Variants in ADAM22 observed in about 807,000 individuals in gnomAD.
ADAM22 encodes ADAM metallopeptidase domain 22.
In ADAM22, 65 loss-of-function variants were observed where a neutral mutation model predicts 144.6. The observed-to-expected ratio is 0.45, with a 90% CI of 0.37 to 0.55. ADAM22 has a LOEUF of 0.55. Ranked by LOEUF, ADAM22 falls within the 20% of genes least tolerant of loss-of-function variation. The probability of loss-of-function intolerance (pLI) is 0.00; values close to 1 mark genes in which losing one functional copy is unlikely to be tolerated. For synonymous variants in ADAM22, 391 were observed against 412.6 expected, an observed-to-expected ratio of 0.95 and a Z score of 0.63; for missense variants, 974 against 1,184.9, an observed-to-expected ratio of 0.82 and a Z score of 2.61.
intron 2 of ADAM22, among the ~76,000 whole-genome samples, chr7:87,974,303 C>CAAAAAAAAAAAAA (rs11351127): frequency 8.9e-6 from 1 of 112,354 alleles, no homozygotes; most frequent in Non-Finnish European, 1.9e-5. Context: ...GACTCTGTCT[C>CAAAAAAAAAAAAA]AAAAAAAAAA....
At chr7:87,966,741 T>TTG (rs1348357517) in intron 2 of ADAM22, among the ~76,000 whole-genome samples, 7 of 138,918 alleles carry the variant, frequency 5.0e-5, no homozygotes, top group African/African-American at 1.9e-4. Context: ...TTTTTTTTTT[T>TTG]TTTTTTTTTT....
chr7:88,150,051 T>C lies in ADAM22; in HGVS notation c.1567-930T>C, dbSNP rs139168667. Among the ~76,000 whole-genome samples, 5 of 152,322 alleles carry C rather than the reference T, an allele frequency of 3.3e-5. No homozygotes were observed. The East Asian group carries it at 9.7e-4, about 29-fold the overall frequency. Reference sequence around the variant, plus strand: ...GTGAAGATGTGAATGTGAAGTTTCTTGCTGGCGTTACCCCCTCTGGGACAT... The same window carrying C: ...GTGAAGATGTGAATGTGAAGTTTCTCGCTGGCGTTACCCCCTCTGGGACAT... On this transcript the variant is annotated intron_variant, in intron 18 of 31. Coordinates refer to ENST00000413139, the MANE Select transcript of ADAM22 (RefSeq NM_001324418.2).
chr7:88,011,229 G>A (rs1183568702), intron 3 of ADAM22, among the ~76,000 whole-genome samples: 1 of 152,130 alleles, frequency 6.6e-6, no homozygotes, highest in Non-Finnish European at 1.5e-5. Context: ...AACTATTATT[G>A]ATTTAAACTC....
At chr7:88,153,417 A>G in intron 21 of ADAM22, 91 bp downstream of exon 21, 1 of 1,030,294 alleles carries the variant, frequency 9.7e-7, no homozygotes, top group Non-Finnish European at 1.4e-6. Context: ...TTTCTGCATC[A>G]CACAAAGTGT....
intron 26 of ADAM22, among the ~76,000 whole-genome samples, chr7:88,173,950 T>C (rs900229831): frequency 2.0e-5 from 3 of 152,030 alleles, no homozygotes; most frequent in Non-Finnish European, 4.4e-5. Flanking sequence ...TTGACATGAG[T>C]GAGGCTCACA....
At chr7:88,135,865 A>G (rs960278162) in intron 13 of ADAM22, 115 bp from the exon 14 acceptor site, 9 of 791,558 alleles carry the variant, frequency 1.1e-5, no homozygotes, top group African/African-American at 1.8e-5. Flanking sequence ...AGAAGTTACT[A>G]CTTTTTAAAA....
intron 2 of ADAM22, among the ~76,000 whole-genome samples, chr7:87,935,792 G>T (rs1841110519): frequency 6.6e-6 from 1 of 152,180 alleles, no homozygotes; most frequent in Admixed American, 6.5e-5. Flanking sequence ...TTAGGGCTGT[G>T]CTGTTTGTTG....
At position 88,082,609 on chromosome 7, in the gene ADAM22, A is replaced by G. The variant is rs547095891; in HGVS notation, c.390+6917A>G. ...CTCATCTGACAAAGGGCTAATATCCAGAATCTACAATGTACTCAAACAAAT... is the reference window on the plus strand; with the variant it reads ...CTCATCTGACAAAGGGCTAATATCCGGAATCTACAATGTACTCAAACAAAT... On this transcript the variant is annotated intron_variant, in intron 4 of 31. Transcript: ENST00000413139. 4.1e-3 allele frequency among the ~76,000 whole-genome samples: 632 copies of G among 152,364 alleles called. 4 individuals are homozygous for G. The highest frequency in any genetic ancestry group is 6.9e-3 in the Admixed American group (106 of 15,298).
At chr7:88,097,337 A>T (rs1019916032) in intron 4 of ADAM22, among the ~76,000 whole-genome samples, 5 of 151,358 alleles carry the variant, frequency 3.3e-5, no homozygotes, top group African/African-American at 1.2e-4. Flanking sequence ...TTTTTAGTAG[A>T]GACAGGGTTT....
intron 6 of ADAM22, among the ~76,000 whole-genome samples, chr7:88,116,189 A>G (rs999795543): frequency 6.6e-5 from 10 of 152,136 alleles, no homozygotes; most frequent in African/African-American, 2.2e-4. Flanking sequence ...TAGTAATTGG[A>G]TGAAGCCAGA....
chr7:88,129,647 A>G (rs2129497074), intron 9 of ADAM22, among the ~76,000 whole-genome samples: 1 of 152,198 alleles, frequency 6.6e-6, no homozygotes, highest in Non-Finnish European at 1.5e-5. Context: ...ACAAATTCAG[A>G]TATCCATAGA....
chr7:88,008,566 A>C lies in ADAM22; in HGVS notation c.323+30154A>C, dbSNP rs200034778. Among the ~76,000 whole-genome samples the C allele has an allele frequency of 6.1e-3, 932 of 152,140 alleles. 11 individuals carry two copies. Among genetic ancestry groups the C allele is most frequent in the East Asian group, 0.046 (238 of 5,184 alleles). ...ACATATACATCATGGAATACTATGC[A>C]GCCATAAAAAATGATGAGTTCATGT... On this transcript the variant is annotated intron_variant, in intron 3 of 31. Coordinates refer to ENST00000413139, the MANE Select transcript of ADAM22 (RefSeq NM_001324418.2).
rs1253462302 is a variant in ADAM22 at position 88,130,069 on chromosome 7, T to A, written c.754-319T>A. Among the ~76,000 whole-genome samples, 3 of 152,122 alleles carry A rather than the reference T, an allele frequency of 2.0e-5. No individual in the cohort carries two copies. In the East Asian group the frequency reaches 5.8e-4, roughly 29 times the overall value. ...TTGCAATTCATAGACAACTTTCATA[T>A]GTTTTATCATTTTGAATAACAATCC... On this transcript the variant is annotated intron_variant, in intron 9 of 31. Coordinates refer to ENST00000413139, the MANE Select transcript of ADAM22 (RefSeq NM_001324418.2).
chr7:88,132,711 C>A (rs192633395), intron 11 of ADAM22, 156 bp from the exon 12 acceptor site: 6 of 550,308 alleles, frequency 1.1e-5, no homozygotes, highest in African/African-American at 9.6e-5. Context: ...TCTTTGGTTA[C>A]ATGTATAAAC....
chr7:87,949,542 T>G (rs568494953), intron 2 of ADAM22, among the ~76,000 whole-genome samples: 13 of 152,354 alleles, frequency 8.5e-5, no homozygotes, highest in African/African-American at 2.9e-4. Context: ...TGCATTTTCT[T>G]TAAGACAATG....
intron 4 of ADAM22, among the ~76,000 whole-genome samples, chr7:88,098,771 G>T (rs772353397): frequency 6.6e-6 from 1 of 151,744 alleles, no homozygotes; most frequent in Non-Finnish European, 1.5e-5. Flanking sequence ...CCTCTCCGGT[G>T]GTAATCATGT....
Position 87,960,075 on chromosome 7 carries a change from A to G in ADAM22, c.247-18261A>G, listed in dbSNP as rs568548621. Among the ~76,000 whole-genome samples the G allele has an allele frequency of 6.6e-5, 10 of 152,320 alleles. No individual in the cohort carries two copies. The East Asian group carries it at 1.7e-3, about 26-fold the overall frequency. On this transcript the variant is annotated intron_variant, in intron 2 of 31. Transcript: ENST00000413139. The stretch of plus-strand genomic sequence containing the variant: ...AGCATTAGATGTAGCCTTCAGATCA[A>G]TGGAAAGAACTGAAGAACTTCCATG...
intron 25 of ADAM22, among the ~76,000 whole-genome samples, chr7:88,170,657 G>A (rs1844102384): frequency 6.6e-6 from 1 of 151,916 alleles, no homozygotes; most frequent in Admixed American, 6.6e-5. Flanking sequence ...GTATAATGTG[G>A]ATGAAATAGA....
intron 4 of ADAM22, among the ~76,000 whole-genome samples, chr7:88,094,929 T>G (rs1004117534): frequency 2.0e-5 from 3 of 152,224 alleles, no homozygotes; most frequent in African/African-American, 7.2e-5. Flanking sequence ...AAATCCTGAC[T>G]TTGCCAGTTA....
Sources: allele counts gnomAD v4.1 joint callset (sites outside exome capture counted in the v4.1 genomes callset), GRCh38; gene constraint gnomAD v4.1.1; transcripts MANE v1.5; gene names NCBI Gene and HGNC (gene_info 2026-07-23, HGNC 2026-07-21).